ATP11A: variants seen among roughly 807,000 people sequenced by gnomAD.
ATP11A encodes the protein phospholipid-transporting ATPase IH.
A neutral mutation model predicts 154.4 loss-of-function variants in ATP11A; 81 were observed. That is an observed-to-expected ratio of 0.52 (90% CI 0.44 to 0.63). The LOEUF (loss-of-function observed/expected upper bound fraction) is 0.63. Among genes scored for constraint, ATP11A ranks in the 30% least tolerant of loss-of-function variants. The pLI is 0.00. For synonymous variants in ATP11A, 623 were observed against 585.9 expected (o/e 1.06, Z -0.91); for missense variants, 1,316 against 1,474.3 (o/e 0.89, Z 1.76).
At position 112,858,256 on chromosome 13, in the gene ATP11A, G is replaced by A. The variant is rs2079991743; in HGVS notation, c.2633G>A (p.Arg878Lys). The A allele has an allele frequency of 6.2e-7, 1 of 1,613,784 alleles. No homozygotes were observed. The highest frequency in any genetic ancestry group is 8.5e-7 in the Non-Finnish European group (1 of 1,179,980). ...GTTCACGGGCATTTTTATTACATTA[G>A]GATCTCTGAGCTCGTGCAGTACTTC... is the stretch of plus-strand genomic sequence containing the variant. ...LLVHGHFYYI[R>K]ISELVQYFFY... The change falls in exon 22 of 30, where the codon AGG becomes AAG. Residue 878 changes from arginine to lysine, a missense_variant. Around this residue, in one of 5 missense-constraint regions of ATP11A, gnomAD observed 19 missense variants for 46.6 expected, o/e 0.41. Coordinates refer to ENST00000375645, the MANE Select transcript of ATP11A (RefSeq NM_015205.3).
At chr13:112,809,956 G>C (rs1248982366) in intron 4 of ATP11A, among the ~76,000 whole-genome samples, 1 of 152,218 alleles carries the variant, frequency 6.6e-6, no homozygotes, top group Non-Finnish European at 1.5e-5. Flanking sequence ...GTCAGGGTTA[G>C]CTCAGGCTGC....
intron 1 of ATP11A, chr13:112,745,606 G>T (rs2139776151): frequency 6.6e-6 from 1 of 152,266 alleles, no homozygotes; most frequent in East Asian, 1.9e-4. Context: ...TAATTTGTAG[G>T]TGTTCCTCCT....
At chr13:112,867,746 G>A (rs549678715) in intron 25 of ATP11A, among the ~76,000 whole-genome samples, 3 of 152,198 alleles carry the variant, frequency 2.0e-5, no homozygotes, top group Non-Finnish European at 2.9e-5. Flanking sequence ...CGGAACCCGC[G>A]TGCAGCCCCG....
intron 25 of ATP11A, among the ~76,000 whole-genome samples, chr13:112,870,764 A>G (rs554099965): frequency 6.6e-6 from 1 of 152,370 alleles, no homozygotes; most frequent in Admixed American, 6.5e-5. Context: ...GCCACAGCGC[A>G]GGAGCGTCCC....
At chr13:112,764,408 G>A (rs1027007715) in intron 1 of ATP11A, among the ~76,000 whole-genome samples, 1 of 152,252 alleles carries the variant, frequency 6.6e-6, no homozygotes, top group South Asian at 2.1e-4. Context: ...ATGGAATGGG[G>A]ACATTAGGAA....
At chr13:112,722,056 A>G (rs530317585) in intron 1 of ATP11A, among the ~76,000 whole-genome samples, 1 of 152,282 alleles carries the variant, frequency 6.6e-6, no homozygotes, top group Admixed American at 6.5e-5. Flanking sequence ...CAAACTCTGT[A>G]TCAGTGAAGG....
intron 1 of ATP11A, among the ~76,000 whole-genome samples, chr13:112,744,721 C>T (rs962405942): frequency 2.0e-5 from 3 of 152,222 alleles, no homozygotes; most frequent in African/African-American, 7.2e-5. Context: ...GACTCTTAGT[C>T]ACCCGGCTGG....
chr13:112,875,271 C>T lies in ATP11A; in HGVS notation c.3162-505C>T, dbSNP rs928909500. ...AACGTTACCGGAAGGCACGTATAGA[C>T]GTGGACCTGTGGGCTCGGGCTGGCT... is the stretch of plus-strand genomic sequence containing the variant. On this transcript the variant is annotated intron_variant, in intron 27 of 29. Coordinates refer to ENST00000375645, the MANE Select transcript of ATP11A (RefSeq NM_015205.3). The surrounding 1 kb of genome is among the most constrained non-coding windows in gnomAD (Gnocchi z 4.1). 2.6e-5 allele frequency among the ~76,000 whole-genome samples: 4 copies of T among 152,326 alleles called. No individual in the cohort carries two copies. Among genetic ancestry groups the T allele is most frequent in the East Asian group, 3.9e-4 (2 of 5,180 alleles).
At chr13:112,735,806 A>G (rs1890939839) in intron 1 of ATP11A, among the ~76,000 whole-genome samples, 1 of 152,226 alleles carries the variant, frequency 6.6e-6, no homozygotes, top group South Asian at 2.1e-4. Flanking sequence ...TGTAAAGTTA[A>G]GCAGCGCACC....
intron 6 of ATP11A, 68 bp downstream of exon 6, chr13:112,816,279 G>T: frequency 6.3e-7 from 1 of 1,595,468 alleles, no homozygotes. Context: ...TGCCCATGCG[G>T]CCACAGAAAC....
chr13:112,836,319 A>C, intron 16 of ATP11A, 68 bp downstream of exon 16: 1 of 914,550 alleles, frequency 1.1e-6, no homozygotes, highest in Non-Finnish European at 1.7e-6. Context: ...TGATGACTAA[A>C]TTCTACAGGA....
chr13:112,852,958 C>T (rs751153606), intron 18 of ATP11A, among the ~76,000 whole-genome samples: 14 of 152,168 alleles, frequency 9.2e-5, no homozygotes, highest in South Asian at 2.1e-4. Context: ...CGGTGGAGCA[C>T]GCTTGTAATC....
intron 12 of ATP11A, among the ~76,000 whole-genome samples, chr13:112,828,141 G>GCAGTGTTGAGTGC (rs2078985686): frequency 3.3e-5 from 1 of 29,936 alleles, no homozygotes; most frequent in Non-Finnish European, 6.1e-5. Flanking sequence ...GCGTTGAGTA[G>GCAGTGTTGAGTGC]GGGGGAAAGC....
chr13:112,761,652 A>G (rs532628303), intron 1 of ATP11A, among the ~76,000 whole-genome samples: 12 of 69,994 alleles, frequency 1.7e-4, no homozygotes, highest in African/African-American at 3.1e-4. Flanking sequence ...TCTTAGAAGC[A>G]CCCCTGAGGA....
intron 14 of ATP11A, among the ~76,000 whole-genome samples, chr13:112,833,338 A>T (rs531510899): frequency 6.2e-4 from 94 of 152,288 alleles, no homozygotes; most frequent in African/African-American, 2.2e-3. Flanking sequence ...GGAAACAATC[A>T]TTCTTTTAAC....
At chr13:112,765,768 CT>C (rs1309445754) in intron 1 of ATP11A, among the ~76,000 whole-genome samples, 2 of 152,248 alleles carry the variant, frequency 1.3e-5, no homozygotes, top group Non-Finnish European at 2.9e-5. Context: ...TGACCGGAGC[CT>C]GCTACAGTGG....
At chr13:112,813,151 A>G (rs1339386143) in intron 5 of ATP11A, among the ~76,000 whole-genome samples, 1 of 152,208 alleles carries the variant, frequency 6.6e-6, no homozygotes, top group Non-Finnish European at 1.5e-5. Flanking sequence ...ATCGGTCGTA[A>G]TGGCTCAGGC....
chr13:112,880,376 A>T, intron 29 of ATP11A: 1 of 409,624 alleles, frequency 2.4e-6, no homozygotes, highest in Non-Finnish European at 3.7e-6. Flanking sequence ...GTGTTTTCCC[A>T]AGACGCCCCA....
Position 112,859,412 on chromosome 13 carries a change from C to T in ATP11A, c.2687C>T (p.Pro896Leu). The change falls in exon 23 of 30, where the codon CCT (proline) becomes CTT (leucine). Residue 896 changes from proline (P) to leucine (L), a missense_variant. Physicochemically the swap from Pro to Leu is moderately conservative, Grantham distance 98. Transcript: ENST00000375645. The surrounding 1 kb of genome is among the most constrained non-coding windows in gnomAD (Gnocchi z 4.3). ...TTTCAGAACGTCTGCTTCATCTTCC[C>T]TCAGTTTTTATACCAGTTCTTCTGT... Reference protein sequence around the residue: ...FFYKNVCFIFPQFLYQFFCGF... With the variant: ...FFYKNVCFIFLQFLYQFFCGF... The T allele has an allele frequency of 6.2e-7, 1 of 1,614,098 alleles. No homozygotes were observed. The highest frequency in any genetic ancestry group is 8.5e-7 in the Non-Finnish European group (1 of 1,179,954).
Sources: allele counts gnomAD v4.1 joint callset (sites outside exome capture counted in the v4.1 genomes callset), GRCh38; gene constraint gnomAD v4.1.1; regional missense constraint gnomAD v4.1.1; non-coding constraint Gnocchi (gnomAD v3.1); transcripts MANE v1.5; gene names NCBI Gene and HGNC (gene_info 2026-07-23, HGNC 2026-07-21).